Variants in BMP7 observed in about 807,000 individuals in gnomAD.
The protein encoded by BMP7 is osteogenic protein 1.
A neutral mutation model predicts 41.2 loss-of-function variants in BMP7; 12 were observed. That is an observed-to-expected ratio of 0.29 (90% CI 0.19 to 0.47). The LOEUF (loss-of-function observed/expected upper bound fraction) is 0.47. Among genes scored for constraint, BMP7 ranks in the 20% least tolerant of loss-of-function variants. The pLI, the probability that BMP7 is intolerant of heterozygous loss-of-function variation, is 0.99. For missense variants in BMP7, 467 were observed against 606.0 expected (o/e 0.77, Z 2.41); for synonymous variants, 248 against 250.0 (o/e 0.99, Z 0.07).
chr20:57,220,488 G>A (rs551051105), intron 2 of BMP7, among the ~76,000 whole-genome samples: 2 of 152,332 alleles, frequency 1.3e-5, no homozygotes, highest in East Asian at 3.9e-4. Flanking sequence ...TTGGAAAAAT[G>A]AGCTTCTATA....
intron 2 of BMP7, among the ~76,000 whole-genome samples, chr20:57,208,230 TA>T (rs1205479105): frequency 2.0e-5 from 3 of 152,218 alleles, no homozygotes; most frequent in Non-Finnish European, 4.4e-5. Context: ...TTGAAACCCA[TA>T]TTGTAAAGCT....
rs762907601 is a variant in BMP7 at position 57,214,740 on chromosome 20, C to G, written c.612-12117G>C. 6.6e-6 allele frequency: 1 copy of G among 152,356 alleles called. No homozygotes were observed. 9.4% of individuals were successfully genotyped at this position (152,356 alleles called of 1,614,324 possible). On this transcript the variant is annotated intron_variant, in intron 2 of 6. Transcript: ENST00000395863. The surrounding 1 kb of genome is among the most constrained non-coding windows in gnomAD (Gnocchi z 4.0). Reference sequence around the variant, plus strand: ...CTCCAAGCCCAAGTCCTCTCCCCTGCGCCATCTGGGCTGGAGTTTCAGTTT... The same window carrying G: ...CTCCAAGCCCAAGTCCTCTCCCCTGGGCCATCTGGGCTGGAGTTTCAGTTT...
intron 6 of BMP7, 139 bp downstream of exon 6, chr20:57,173,061 G>T: frequency 3.6e-6 from 3 of 838,362 alleles, no homozygotes; most frequent in South Asian, 1.5e-5. Flanking sequence ...TTTTTTTAAC[G>T]GCGCAAGGGG....
At chr20:57,246,749 G>A (rs1374500027) in intron 1 of BMP7, among the ~76,000 whole-genome samples, 1 of 152,218 alleles carries the variant, frequency 6.6e-6, no homozygotes, top group Non-Finnish European at 1.5e-5. Context: ...AGCACTTTGG[G>A]AGGCCGAGGT....
chr20:57,257,198 A>G (rs2066137317), intron 1 of BMP7, among the ~76,000 whole-genome samples: 1 of 152,164 alleles, frequency 6.6e-6, no homozygotes, highest in African/African-American at 2.4e-5. Context: ...TAACGCACCA[A>G]GATTGTGAGT....
intron 4 of BMP7, among the ~76,000 whole-genome samples, chr20:57,176,085 G>A (rs1983916328): frequency 1.3e-5 from 2 of 152,374 alleles, no homozygotes; most frequent in Admixed American, 1.3e-4. Context: ...GGAAGGGCAA[G>A]TGACCCAACA....
chr20:57,219,979 C>A (rs1293503422), intron 2 of BMP7, among the ~76,000 whole-genome samples: 3 of 152,168 alleles, frequency 2.0e-5, no homozygotes, highest in Non-Finnish European at 4.4e-5. Context: ...TATTTAGAGA[C>A]CTGTACCAAG....
intron 2 of BMP7, among the ~76,000 whole-genome samples, chr20:57,218,997 G>GC (rs796575382): frequency 7.0e-6 from 1 of 142,008 alleles, no homozygotes; most frequent in Non-Finnish European, 1.6e-5. Context: ...GTGGTAGCTG[G>GC]GTTTGTTTGG....
At chr20:57,210,087 A>T (rs972686016) in intron 2 of BMP7, among the ~76,000 whole-genome samples, 4 of 152,136 alleles carry the variant, frequency 2.6e-5, no homozygotes, top group African/African-American at 9.7e-5. Context: ...GCTGTTTCTG[A>T]TTAAAGAAAC....
In BMP7 at chr20:57,183,706, TC is replaced by T. The variant is rs1223594230; in HGVS notation, c.958+15del. On this transcript the variant is annotated intron_variant, in intron 4 of 6. Transcript: ENST00000395863. The stretch of plus-strand genomic sequence containing the variant: ...GTTCCTGTGGTGGGTCTGTGATCCC[TC>T]CCACCTAAGCATACCTGCCACGTTG... The T allele has an allele frequency of 6.2e-7, 1 of 1,613,530 alleles. No individual in the cohort carries two copies.
intron 2 of BMP7, among the ~76,000 whole-genome samples, chr20:57,205,584 T>C (rs1353769588): frequency 6.6e-6 from 1 of 152,170 alleles, no homozygotes; most frequent in Non-Finnish European, 1.5e-5. Flanking sequence ...GTAGGAAATA[T>C]CCACACCTCA....
At chr20:57,187,322 C>T (rs573768747) in intron 3 of BMP7, among the ~76,000 whole-genome samples, 1 of 152,188 alleles carries the variant, frequency 6.6e-6, no homozygotes, top group African/African-American at 2.4e-5. Context: ...ATCTGTCCCC[C>T]CTTTCCGTGA....
chr20:57,264,780 GCAC>G (rs35584517), intron 1 of BMP7, among the ~76,000 whole-genome samples: 23,127 of 152,102 alleles, frequency 0.15, 4,406 homozygotes, highest in African/African-American at 0.45. Context: ...TGTAATCCCA[GCAC>G]CACTTTGGGA....
At chr20:57,188,406 T>C (rs1448034791) in intron 3 of BMP7, among the ~76,000 whole-genome samples, 1 of 152,090 alleles carries the variant, frequency 6.6e-6, no homozygotes, top group Non-Finnish European at 1.5e-5. Flanking sequence ...GGTAAATCCA[T>C]AGAAACAGAA....
rs189297673 is a variant in BMP7, at chr20:57,256,627, G to A, written c.418+9078C>T. ...TTACGCCTGTTATCCCAGCACTTTG[G>A]GAGGCCAAGGCGGGTGGATAAAACC... On this transcript the variant is annotated intron_variant, in intron 1 of 6. Coordinates refer to ENST00000395863, the MANE Select transcript of BMP7 (RefSeq NM_001719.3). Among the ~76,000 whole-genome samples the A allele has an allele frequency of 4.3e-3, 655 of 152,318 alleles. 2 individuals carry two copies. The highest frequency in any genetic ancestry group is 0.015 in the African/African-American group (625 of 41,572).
At chr20:57,175,060 A>G in intron 4 of BMP7, 53 bp from the exon 5 acceptor site, 1 of 1,545,794 alleles carries the variant, frequency 6.5e-7, no homozygotes, top group Non-Finnish European at 8.8e-7. Flanking sequence ...AAAGAAACAC[A>G]CACACATCAA....
chr20:57,195,314 A>G (rs1984466890), intron 3 of BMP7, among the ~76,000 whole-genome samples: 1 of 152,202 alleles, frequency 6.6e-6, no homozygotes, highest in Non-Finnish European at 1.5e-5. Context: ...GACCCACAGC[A>G]CAAGAATGTT....
chr20:57,191,170 GA>G, intron 3 of BMP7, among the ~76,000 whole-genome samples: 1 of 152,304 alleles, frequency 6.6e-6, no homozygotes, highest in South Asian at 2.1e-4. Context: ...GCTTTATCAA[GA>G]AGAGATTAAT....
Position 57,266,485 on chromosome 20 carries a change from G to A in BMP7, c.-363C>T, listed in dbSNP as rs111477259. 0.091 allele frequency: 15,068 copies of A among 166,398 alleles called. 1,764 individuals are homozygous for A. The highest frequency in any genetic ancestry group is 0.28 in the African/African-American group (11,831 of 42,030). The allele number at this position is 166,398 out of a possible 1,614,324, so 10.3% of individuals were successfully genotyped here. A position where few individuals can be genotyped will look rare whatever the true frequency, so the allele number is the denominator to read the frequency against. ...GCAGCGAGGAGGCAGGCGGGCGGGC[G>A]AGCGCTCCTTCTTCCCGCTCCTCTG... is the stretch of plus-strand genomic sequence containing the variant. On this transcript the variant is annotated 5_prime_UTR_variant, in exon 1 of 7. Transcript: ENST00000395863.
Sources: allele counts gnomAD v4.1 joint callset (sites outside exome capture counted in the v4.1 genomes callset), GRCh38; gene constraint gnomAD v4.1.1; non-coding constraint Gnocchi (gnomAD v3.1); transcripts MANE v1.5; gene names NCBI Gene and HGNC (gene_info 2026-07-23, HGNC 2026-07-21).